The following IFT25 variants were observed in gnomAD, a reference collection of about 807,000 sequenced individuals.
IFT25 encodes intraflagellar transport protein 25 homolog.
chr1:53,915,964 C>T, the IFT25 span, among the ~76,000 whole-genome samples: 3 of 152,150 alleles, frequency 2.0e-5, no homozygotes, highest in African/African-American at 7.2e-5. Flanking sequence ...GTAGGAGGAT[C>T]CTGTGAGCCT....
At chr1:53,912,152 G>A in the IFT25 span, among the ~76,000 whole-genome samples, 2 of 152,162 alleles carry the variant, frequency 1.3e-5, no homozygotes, top group African/African-American at 4.8e-5. Context: ...TTGCACAAAA[G>A]GAGACAGGAT....
chr1:53,943,601 T>C, the IFT25 span, among the ~76,000 whole-genome samples: 2 of 151,916 alleles, frequency 1.3e-5, no homozygotes, highest in Non-Finnish European at 2.9e-5. Context: ...GCGGTGGAAA[T>C]GTGAGGGTTG....
the IFT25 span, chr1:53,928,480 T>C: frequency 3.0e-3 from 4,249 of 1,438,384 alleles, 107 homozygotes; most frequent in African/African-American, 0.049. Context: ...TTAATCTGGC[T>C]GTATGTTTTT....
At chr1:53,941,227 T>C in the IFT25 span, among the ~76,000 whole-genome samples, 1 of 151,896 alleles carries the variant, frequency 6.6e-6, no homozygotes, top group Non-Finnish European at 1.5e-5. Context: ...ACTCCTGACC[T>C]TGTGATCCAC....
chr1:53,920,213 C>A, the IFT25 span, among the ~76,000 whole-genome samples: 1 of 152,176 alleles, frequency 6.6e-6, no homozygotes, highest in Admixed American at 6.5e-5. Context: ...ATGCCCAATT[C>A]TTTCCTTTTA....
At chr1:53,913,931 C>T in the IFT25 span, among the ~76,000 whole-genome samples, 1 of 152,344 alleles carries the variant, frequency 6.6e-6, no homozygotes, top group East Asian at 1.9e-4. Flanking sequence ...TCTCAGACTT[C>T]CAGCCTCCAG....
At chr1:53,915,204 T>C in the IFT25 span, among the ~76,000 whole-genome samples, 1 of 152,182 alleles carries the variant, frequency 6.6e-6, no homozygotes, top group East Asian at 1.9e-4. Flanking sequence ...TTCTAAGCCC[T>C]GAGGATACAG....
chr1:53,927,533 G>A, the IFT25 span, among the ~76,000 whole-genome samples: 1 of 152,184 alleles, frequency 6.6e-6, no homozygotes, highest in Non-Finnish European at 1.5e-5. Context: ...GTTGTCTCTT[G>A]AGGGTTGTGG....
At chr1:53,933,014 TCTAA>T in the IFT25 span, among the ~76,000 whole-genome samples, 1 of 152,234 alleles carries the variant, frequency 6.6e-6, no homozygotes, top group Non-Finnish European at 1.5e-5. Context: ...TATTAAAATC[TCTAA>T]CTATAACTGT....
At chr1:53,916,599 T>A in the IFT25 span, 1 of 234,766 alleles carries the variant, frequency 4.3e-6, no homozygotes, top group Non-Finnish European at 8.2e-6. Context: ...TTATTGAACA[T>A]GAACACAATT....
chr1:53,916,043 G>A, the IFT25 span, among the ~76,000 whole-genome samples: 7 of 151,944 alleles, frequency 4.6e-5, no homozygotes, highest in Non-Finnish European at 8.8e-5. Context: ...AAATTAGCCA[G>A]GTGTGGTGGC....
At chr1:53,945,373 T>C in the IFT25 span, among the ~76,000 whole-genome samples, 1 of 152,194 alleles carries the variant, frequency 6.6e-6, no homozygotes, top group African/African-American at 2.4e-5. Flanking sequence ...TTCCAGGGTC[T>C]AGAGGAAAAG....
chr1:53,939,824 C>T, the IFT25 span: 1 of 591,490 alleles, frequency 1.7e-6, no homozygotes, highest in Non-Finnish European at 3.0e-6. Context: ...ATATACACAA[C>T]TCAATTAGTT....
the IFT25 span, chr1:53,940,042 T>C: frequency 6.2e-7 from 1 of 1,612,060 alleles, no homozygotes; most frequent in Non-Finnish European, 8.5e-7. Flanking sequence ...TAAAATCACT[T>C]CGGACCCTTC....
At chr1:53,933,328 G>A in the IFT25 span, among the ~76,000 whole-genome samples, 1 of 151,728 alleles carries the variant, frequency 6.6e-6, no homozygotes, top group South Asian at 2.1e-4. Context: ...TAGATACGGG[G>A]TTTCACCATG....
At chr1:53,945,830 C>A in the IFT25 span, 6 of 149,734 alleles carry the variant, frequency 4.0e-5, no homozygotes, top group African/African-American at 1.5e-4. Context: ...CCACAGGCCC[C>A]GCCCTGCCCT....
chr1:53,940,954 A>T, the IFT25 span, among the ~76,000 whole-genome samples: 1,146 of 147,594 alleles, frequency 7.8e-3, 12 homozygotes, highest in Middle Eastern at 0.029. Context: ...CCAAAAAAAA[A>T]TTTTTTTTTT....
the IFT25 span, among the ~76,000 whole-genome samples, chr1:53,932,172 G>A: frequency 6.6e-6 from 1 of 152,122 alleles, no homozygotes; most frequent in Non-Finnish European, 1.5e-5. Flanking sequence ...CCAACATGGT[G>A]AAACCCCGTC....
At chr1:53,926,722 AT>A in the IFT25 span, among the ~76,000 whole-genome samples, 511 of 142,968 alleles carry the variant, frequency 3.6e-3, no homozygotes, top group Middle Eastern at 3.7e-3. Context: ...CACATTCTAG[AT>A]TTTTTTTTTT....
Sources: allele counts gnomAD v4.1 joint callset (sites outside exome capture counted in the v4.1 genomes callset), GRCh38; gene constraint gnomAD v4.1.1; transcripts MANE v1.5; gene names NCBI Gene and HGNC (gene_info 2026-07-23, HGNC 2026-07-21).